Variants in PKD2L2 observed in about 807,000 individuals in gnomAD.
PKD2L2 encodes the protein polycystin-2-like protein 2.
A neutral mutation model predicts 83.9 loss-of-function variants in PKD2L2; 67 were observed. The observed-to-expected ratio is 0.80, with a 90% CI of 0.66 to 0.98. The LOEUF (loss-of-function observed/expected upper bound fraction) is 0.98. Among genes scored for constraint, PKD2L2 ranks in the 50% least tolerant of loss-of-function variants. PKD2L2 has a pLI of 0.00. For synonymous variants in PKD2L2, 223 were observed against 237.8 expected (o/e 0.94, Z 0.57); for missense variants, 632 against 717.2 (o/e 0.88, Z 1.36).
intron 5 of PKD2L2, among the ~76,000 whole-genome samples, chr5:137,902,392 G>A (rs74846925): frequency 4.3e-4 from 65 of 151,572 alleles, no homozygotes; most frequent in African/African-American, 1.4e-3. Flanking sequence ...CACCTCTTCC[G>A]CTCTGCCACC....
intron 14 of PKD2L2, chr5:137,939,814 G>A (rs1347961743): frequency 3.3e-6 from 4 of 1,218,556 alleles, no homozygotes; most frequent in Admixed American, 4.0e-5. Context: ...TAAGAAAAAG[G>A]CAACAGAAGA....
At chr5:137,889,634 C>A in intron 1 of PKD2L2, 112 bp downstream of exon 1, 2 of 879,902 alleles carry the variant, frequency 2.3e-6, no homozygotes, top group Non-Finnish European at 3.3e-6. Context: ...CTGCCGACAC[C>A]TTTAGCCCTC....
At chr5:137,904,072 T>A (rs1757174246) in intron 5 of PKD2L2, among the ~76,000 whole-genome samples, 1 of 152,226 alleles carries the variant, frequency 6.6e-6, no homozygotes, top group Non-Finnish European at 1.5e-5. Context: ...GTATTTATTT[T>A]AAACCTTATG....
chr5:137,942,101 G>C (rs1762021942), intron 14 of PKD2L2: 11 of 1,427,846 alleles, frequency 7.7e-6, no homozygotes, highest in Non-Finnish European at 1.1e-5. Flanking sequence ...ATATTCTTAA[G>C]AGAGGTTCTA....
chr5:137,902,217 C>T (rs1757020129), intron 5 of PKD2L2, among the ~76,000 whole-genome samples: 1 of 152,014 alleles, frequency 6.6e-6, no homozygotes, highest in Non-Finnish European at 1.5e-5. Flanking sequence ...TGACATGGAC[C>T]CTTCAATGAT....
chr5:137,897,688 T>G (rs1279206739), intron 4 of PKD2L2, among the ~76,000 whole-genome samples: 4 of 152,208 alleles, frequency 2.6e-5, no homozygotes, highest in African/African-American at 9.6e-5. Context: ...GTGTAACAGA[T>G]CTTCCTGTTT....
At chr5:137,905,831 T>C (rs546851909) in intron 5 of PKD2L2, among the ~76,000 whole-genome samples, 1 of 152,272 alleles carries the variant, frequency 6.6e-6, no homozygotes, top group East Asian at 1.9e-4. Context: ...TTTTAACTAA[T>C]AACAGTAACT....
chr5:137,900,463 A>G (rs1756860727), intron 5 of PKD2L2, among the ~76,000 whole-genome samples: 1 of 152,220 alleles, frequency 6.6e-6, no homozygotes, highest in South Asian at 2.1e-4. Context: ...ATGACATTGA[A>G]AGAGAAAGTT....
At chr5:137,942,136 C>A in intron 14 of PKD2L2, 1 of 1,059,466 alleles carries the variant, frequency 9.4e-7, no homozygotes, top group East Asian at 2.5e-5. Flanking sequence ...TTAAAAGTGG[C>A]TGGGGAACTG....
At chr5:137,893,165 A>T (rs1353333245) in intron 3 of PKD2L2, among the ~76,000 whole-genome samples, 1 of 152,148 alleles carries the variant, frequency 6.6e-6, no homozygotes, top group Non-Finnish European at 1.5e-5. Context: ...TCTAGTCTAT[A>T]ATTGTGTATA....
At position 137,894,364 on chromosome 5, in the gene PKD2L2, A is replaced by G; in HGVS notation, c.279A>G (p.Gly93=). Residue 93 remains glycine, a synonymous_variant, in exon 4 of 15, where the codon GGA becomes GGG. Coordinates refer to ENST00000508883, the MANE Select transcript of PKD2L2 (RefSeq NM_001300921.2). ...SITDFWKFME[G]PLLEGLYWDS... ...TTTTCTCTGTGGAGTTTATGGAAGGACCCCTTTTGGAAGGTCTGTACTGGG... is the reference window on the plus strand; with the variant it reads ...TTTTCTCTGTGGAGTTTATGGAAGGGCCCCTTTTGGAAGGTCTGTACTGGG... 6.2e-7 allele frequency: 1 copy of G among 1,601,682 alleles called. No homozygotes were observed. The highest frequency in any genetic ancestry group is 1.1e-5 in the South Asian group (1 of 89,304).
rs1756778502 is a variant in PKD2L2 at position 137,899,532 on chromosome 5, T to G, written c.541T>G (p.Ser181Ala). Residue 181 changes from serine (S) to alanine (A), a missense_variant, in exon 5 of 15, where the codon TCT becomes GCT. Ser to Ala is a moderately conservative substitution (Grantham distance 99, BLOSUM62 1). Coordinates refer to ENST00000508883, the MANE Select transcript of PKD2L2 (RefSeq NM_001300921.2). ...GTGTAACAGATGGAGATATTCTACT[T>G]CTAATACCAACTCCCCTTGGCACTG... is the stretch of plus-strand genomic sequence containing the variant. ...QINTEWRYST[S>A]NTNSPWHWGF... 6.2e-7 allele frequency: 1 copy of G among 1,601,212 alleles called. No homozygotes were observed. The highest frequency in any genetic ancestry group is 8.6e-7 in the Non-Finnish European group (1 of 1,168,536).
At chr5:137,920,783 G>A (rs1026700997) in intron 8 of PKD2L2, among the ~76,000 whole-genome samples, 4 of 151,792 alleles carry the variant, frequency 2.6e-5, no homozygotes, top group African/African-American at 9.7e-5. Flanking sequence ...CACAAAGAGG[G>A]TAAAATAAAC....
At chr5:137,893,779 G>A (rs559261669) in intron 3 of PKD2L2, among the ~76,000 whole-genome samples, 94 of 152,244 alleles carry the variant, frequency 6.2e-4, no homozygotes, top group African/African-American at 2.2e-3. Context: ...GATCCTAGAC[G>A]GTTGGTTTAG....
chr5:137,925,995 C>T, intron 12 of PKD2L2, 66 bp downstream of exon 12: 1 of 821,330 alleles, frequency 1.2e-6, no homozygotes, highest in Non-Finnish European at 2.0e-6. Context: ...CACAAAAACG[C>T]TCTGGTTAAG....
At chr5:137,942,309 G>A (rs1331491946) in intron 14 of PKD2L2, 75 bp from the exon 15 acceptor site, 1 of 426,370 alleles carries the variant, frequency 2.3e-6, no homozygotes, top group African/African-American at 2.0e-5. Context: ...AGAACAAAAA[G>A]ATCAACTCGC....
Position 137,907,833 on chromosome 5 carries a change from C to T in PKD2L2, c.1067C>T (p.Ser356Leu). The stretch of plus-strand genomic sequence containing the variant: ...CTGTTGAAAAGTACTGAAAAATATT[C>T]AGATTTCTATTTTCTTGCATGCTGG... ...GQLLKSTEKYSDFYFLACWHI... is the reference protein window; with the variant it reads ...GQLLKSTEKYLDFYFLACWHI... Residue 356 changes from serine to leucine, a missense_variant, in exon 7 of 15, where the codon TCA becomes TTA. By Grantham distance (145) the Ser-to-Leu change is moderately radical. Transcript: ENST00000508883. 6.4e-7 allele frequency: 1 copy of T among 1,559,678 alleles called. No homozygotes were observed. The highest frequency in any genetic ancestry group is 8.8e-7 in the Non-Finnish European group (1 of 1,134,622).
At chr5:137,942,007 T>G (rs564593715) in intron 14 of PKD2L2, 4 of 1,614,138 alleles carry the variant, frequency 2.5e-6, no homozygotes, top group East Asian at 2.2e-5. Flanking sequence ...TTTCTTTTTT[T>G]CAGCTCTGGC....
chr5:137,932,487 G>A (rs1321982862), intron 12 of PKD2L2, among the ~76,000 whole-genome samples: 1 of 152,074 alleles, frequency 6.6e-6, no homozygotes, highest in Admixed American at 6.5e-5. Context: ...TTACTACACA[G>A]GTATTAAAAG....
Sources: gnomAD v4.1 joint callset for allele counts (sites outside exome capture counted in the v4.1 genomes callset) on GRCh38, gnomAD v4.1.1 for gene constraint, MANE v1.5 for transcripts, NCBI Gene and HGNC (gene_info 2026-07-23, HGNC 2026-07-21) for gene names.